LPCAT4: variants seen among roughly 807,000 people sequenced by gnomAD.
LPCAT4 encodes lysophosphatidylcholine acyltransferase 4, also known as lysophospholipid acyltransferase LPCAT4.
Under a neutral mutation model 66.5 loss-of-function variants are expected in LPCAT4, and 30 were observed. The observed-to-expected ratio is 0.45, with a 90% CI of 0.34 to 0.61. The LOEUF (loss-of-function observed/expected upper bound fraction) is 0.61, where lower values mean the gene tolerates loss of function less well. Ranked by LOEUF, LPCAT4 falls within the 20% of genes least tolerant of loss-of-function variation. The pLI is 0.01. For missense variants in LPCAT4, 557 were observed against 656.7 expected, an observed-to-expected ratio of 0.85 and a Z score of 1.66; for synonymous variants, 253 against 262.1, an observed-to-expected ratio of 0.97 and a Z score of 0.34.
In LPCAT4 at chr15:34,365,597, A is replaced by C; in HGVS notation, c.219T>G (p.Ser73Arg). ...TAATTGGCTCCTGAAGCTGCTCCTCACTAAGACCGGCCACTTGAAGCCAGG... is the reference window on the plus strand; with the variant it reads ...TAATTGGCTCCTGAAGCTGCTCCTCCCTAAGACCGGCCACTTGAAGCCAGG... ...PFAWLQVAGL[S>R]EEQLQEPITG... The change falls in exon 2 of 14, where the codon AGT becomes AGG. Residue 73 changes from serine to arginine, a missense_variant. Ser to Arg is a moderately radical substitution (Grantham distance 110, BLOSUM62 -1). Around this residue, in one of 4 missense-constraint regions of LPCAT4, gnomAD observed 65 missense variants for 83.5 expected, o/e 0.78. Transcript: ENST00000314891. 1 of 1,614,164 alleles carries C rather than the reference A, an allele frequency of 6.2e-7. No individual in the cohort carries two copies. The highest frequency in any genetic ancestry group is 8.5e-7 in the Non-Finnish European group (1 of 1,180,020).
chr15:34,361,182 CT>C, intron 11 of LPCAT4: 1 of 1,405,302 alleles, frequency 7.1e-7, no homozygotes, highest in Non-Finnish European at 9.3e-7. Flanking sequence ...TTATTTCTCC[CT>C]TGTTCCTCCT....
Position 34,359,240 on chromosome 15 carries a change from G to A in LPCAT4, c.1462C>T (p.Arg488Cys), listed in dbSNP as rs375783823. 45 of 1,569,226 alleles carry A rather than the reference G, an allele frequency of 2.9e-5. No homozygotes were observed. Among genetic ancestry groups the A allele is most frequent in the Non-Finnish European group, 3.8e-5 (44 of 1,156,480 alleles). ...GTGCCTCGAGAGGTGTGTGGGGGGCGCAGGTAGGTGCTGAAGAGTTTCCCA... is the reference window on the plus strand; with the variant it reads ...GTGCCTCGAGAGGTGTGTGGGGGGCACAGGTAGGTGCTGAAGAGTTTCCCA... ...LYGKLFSTYL[R>C]PPHTSRGTSQ... Residue 488 changes from arginine to cysteine, a missense_variant, in exon 14 of 14, where the codon CGC becomes TGC. This residue lies in a region of LPCAT4 where 392 missense variants were observed against 473.9 expected (regional missense o/e 0.83). Transcript: ENST00000314891.
At position 34,363,212 on chromosome 15, in the gene LPCAT4, T is replaced by C. The variant is rs1402797061; in HGVS notation, c.746+210A>G. ...GAAGATAAATGCATAGCAGCCATAA[T>C]CACAGCAGGAACAGTTTAGGTGGGA... On this transcript the variant is annotated intron_variant, in intron 7 of 13. Coordinates refer to ENST00000314891, the MANE Select transcript of LPCAT4 (RefSeq NM_153613.3). The surrounding 1 kb of genome is among the most constrained non-coding windows in gnomAD (Gnocchi z 4.3). Among the ~76,000 whole-genome samples, 1 of 152,148 alleles carries C rather than the reference T, an allele frequency of 6.6e-6. No homozygotes were observed. Among genetic ancestry groups the C allele is most frequent in the Non-Finnish European group, 1.5e-5 (1 of 68,022 alleles).
Position 34,363,932 on chromosome 15 carries a change from T to G in LPCAT4, c.652+81A>C. The G allele has an allele frequency of 6.8e-7, 1 of 1,467,062 alleles. No homozygotes were observed. The highest frequency in any genetic ancestry group is 9.5e-7 in the Non-Finnish European group (1 of 1,053,228). The allele number at this position is 1,467,062 out of a possible 1,614,324, so 90.9% of individuals were successfully genotyped here. On this transcript the variant is annotated intron_variant, in intron 5 of 13. Coordinates refer to ENST00000314891, the MANE Select transcript of LPCAT4 (RefSeq NM_153613.3). This position sits in a 1 kb window ranked among gnomAD's most constrained non-coding sequence, Gnocchi z 4.3. Reference sequence around the variant, plus strand: ...TCTCCCATCCCTCCCCCTCTTCTACTTCTTGGGTTATTTCAGAGTCCCTCC... The same window carrying G: ...TCTCCCATCCCTCCCCCTCTTCTACGTCTTGGGTTATTTCAGAGTCCCTCC...
chr15:34,363,989 AC>A lies in LPCAT4; in HGVS notation c.652+23del. On this transcript the variant is annotated intron_variant, in intron 5 of 13. Transcript: ENST00000314891. The surrounding 1 kb of genome is among the most constrained non-coding windows in gnomAD (Gnocchi z 4.3). ...CTGGAACTTCTTTTTCCTACAGCCC[AC>A]CACCCACTATCATTTTATTCACCTG... is the stretch of plus-strand genomic sequence containing the variant. The A allele has an allele frequency of 6.2e-7, 1 of 1,605,942 alleles. No homozygotes were observed. The highest frequency in any genetic ancestry group is 8.5e-7 in the Non-Finnish European group (1 of 1,173,190).
At position 34,361,306 on chromosome 15, in the gene LPCAT4, C is replaced by T. The variant is rs1890936224; in HGVS notation, c.1143+94G>A. 2.6e-6 allele frequency: 4 copies of T among 1,566,716 alleles called. No individual in the cohort carries two copies. In the South Asian group the frequency reaches 4.7e-5, roughly 19 times the overall value. ...CAGCTGTGAGAACATCCACTGAGGA[C>T]TCCAAACTGTGAGTGACTGATACGG... On this transcript the variant is annotated intron_variant, in intron 11 of 13. Coordinates refer to ENST00000314891, the MANE Select transcript of LPCAT4 (RefSeq NM_153613.3).
chr15:34,361,105 A>C (rs1251926511), intron 11 of LPCAT4: 2 of 970,974 alleles, frequency 2.1e-6, no homozygotes, highest in East Asian at 5.3e-5. Flanking sequence ...AGCACCCCAA[A>C]AGGTCTTATG....
Position 34,359,093 on chromosome 15 carries a change from G to A in LPCAT4, c.*34C>T, listed in dbSNP as rs368552199. ...AGGCATAGGGGAGGCCCCTAGCGCT[G>A]CCCTGAGGAGGAGGGGGTGAGAGGC... On this transcript the variant is annotated 3_prime_UTR_variant, in exon 14 of 14. Coordinates refer to ENST00000314891, the MANE Select transcript of LPCAT4 (RefSeq NM_153613.3). The A allele has an allele frequency of 3.8e-6, 6 of 1,577,804 alleles. No homozygotes were observed. The highest frequency in any genetic ancestry group is 2.7e-5 in the African/African-American group (2 of 74,220).
chr15:34,363,354 A>G lies in LPCAT4; in HGVS notation c.746+68T>C. The G allele has an allele frequency of 6.5e-7, 1 of 1,541,958 alleles. No individual in the cohort carries two copies. The highest frequency in any genetic ancestry group is 2.2e-5 in the East Asian group (1 of 44,466). On this transcript the variant is annotated intron_variant, in intron 7 of 13. Coordinates refer to ENST00000314891, the MANE Select transcript of LPCAT4 (RefSeq NM_153613.3). This position sits in a 1 kb window ranked among gnomAD's most constrained non-coding sequence, Gnocchi z 4.3. ...GCCATTCACCTTGTCGGGAGATTGG[A>G]AGATGGGCCAGGAATTCTCTGATGG...
chr15:34,367,055 G>T lies in LPCAT4; in HGVS notation c.46C>A (p.Pro16Thr). The T allele has an allele frequency of 1.3e-6, 2 of 1,559,788 alleles. No homozygotes were observed. Among genetic ancestry groups the T allele is most frequent in the Admixed American group, 3.8e-5 (2 of 52,078 alleles). ...PGDWAPLDPTPGPPASPNPFV... is the reference protein window; with the variant it reads ...PGDWAPLDPTTGPPASPNPFV... Reference sequence around the variant, plus strand: ...GGGTTGGGGGATGCTGGGGGTCCGGGGGTGGGATCTAGGGGGGCCCAGTCC... The same window carrying T: ...GGGTTGGGGGATGCTGGGGGTCCGGTGGTGGGATCTAGGGGGGCCCAGTCC... The change falls in exon 1 of 14, where the codon CCC becomes ACC. Residue 16 changes from proline to threonine, a missense_variant. By Grantham distance (38) the Pro-to-Thr change is conservative (BLOSUM62 -1). Around this residue, in one of 4 missense-constraint regions of LPCAT4, gnomAD observed 94 missense variants for 71.5 expected, o/e 1.32. Coordinates refer to ENST00000314891, the MANE Select transcript of LPCAT4 (RefSeq NM_153613.3).
rs778952507 is a variant in LPCAT4 at position 34,365,612 on chromosome 15, T to C, written c.204A>G (p.Gln68=). Residue 68 remains glutamine (Q), a synonymous_variant, in exon 2 of 14, where the codon CAA becomes CAG. Transcript: ENST00000314891. ...LFLLWPFAWL[Q]VAGLSEEQLQ... ...GCTGCTCCTCACTAAGACCGGCCAC[T>C]TGAAGCCAGGCAAAGGGCCAGAGGA... 3 of 1,614,186 alleles carry C rather than the reference T, an allele frequency of 1.9e-6. No homozygotes were observed. The South Asian group carries it at 3.3e-5, about 18-fold the overall frequency.
chr15:34,358,719 G>A lies in LPCAT4; in HGVS notation c.*408C>T, dbSNP rs1379500779. ...GAAGTCTGTTAAAATGTACATATAG[G>A]AGATGACAGCAGGAGGGAGGATATG... On this transcript the variant is annotated 3_prime_UTR_variant, in exon 14 of 14. Transcript: ENST00000314891. The A allele has an allele frequency of 6.5e-6, 1 of 153,566 alleles. No individual in the cohort carries two copies. Among genetic ancestry groups the A allele is most frequent in the African/African-American group, 2.4e-5 (1 of 41,450 alleles). The allele number at this position is 153,566 out of a possible 1,614,324, so 9.5% of individuals were successfully genotyped here. A position where few individuals can be genotyped will look rare whatever the true frequency, so the allele number is the denominator to read the frequency against.
rs768234615 is a variant in LPCAT4, at chr15:34,367,039, G to C, written c.62C>G (p.Ser21Cys). ...TAACTCATGCACGAAGGGGTTGGGGGATGCTGGGGGTCCGGGGGTGGGATC... is the reference window on the plus strand; with the variant it reads ...TAACTCATGCACGAAGGGGTTGGGGCATGCTGGGGGTCCGGGGGTGGGATC... ...PLDPTPGPPA[S>C]PNPFVHELHL... Residue 21 changes from serine (S) to cysteine (C), a missense_variant, in exon 1 of 14, where the codon TCC (serine) becomes TGC (cysteine). Coordinates refer to ENST00000314891, the MANE Select transcript of LPCAT4 (RefSeq NM_153613.3). The C allele has an allele frequency of 2.1e-6, 2 of 955,788 alleles. No homozygotes were observed. Among genetic ancestry groups the C allele is most frequent in the African/African-American group, 3.2e-5 (2 of 62,320 alleles). The allele number at this position is 955,788 out of a possible 1,614,324, so 59.2% of individuals were successfully genotyped here. A position where few individuals can be genotyped will look rare whatever the true frequency, so the allele number is the denominator to read the frequency against.
At chr15:34,364,606 T>TTTA (rs1555395815) in intron 3 of LPCAT4, 8 of 249,830 alleles carry the variant, frequency 3.2e-5, no homozygotes, top group East Asian at 8.2e-5. Context: ...TTTTTTTTTT[T>TTTA]ACGCCCGGCT....
At chr15:34,366,069 T>G (rs1891069938) in intron 1 of LPCAT4, 1 of 183,780 alleles carries the variant, frequency 5.4e-6, no homozygotes, top group Non-Finnish European at 1.2e-5. Flanking sequence ...CTCCCCCACA[T>G]CTTATTCCAT....
Position 34,363,967 on chromosome 15 carries a change from G to T in LPCAT4, c.652+46C>A. 1.3e-6 allele frequency: 2 copies of T among 1,578,178 alleles called. No individual in the cohort carries two copies. The highest frequency in any genetic ancestry group is 1.7e-6 in the Non-Finnish European group (2 of 1,150,646). Reference sequence around the variant, plus strand: ...ATTTCAGAGTCCCTCCCCAAATCTGGAACTTCTTTTTCCTACAGCCCACCA... The same window carrying T: ...ATTTCAGAGTCCCTCCCCAAATCTGTAACTTCTTTTTCCTACAGCCCACCA... On this transcript the variant is annotated intron_variant, in intron 5 of 13. Coordinates refer to ENST00000314891, the MANE Select transcript of LPCAT4 (RefSeq NM_153613.3). The surrounding 1 kb of genome is among the most constrained non-coding windows in gnomAD (Gnocchi z 4.3).
chr15:34,366,479 G>T (rs987534713), intron 1 of LPCAT4, among the ~76,000 whole-genome samples: 3 of 152,080 alleles, frequency 2.0e-5, no homozygotes, highest in Non-Finnish European at 4.4e-5. Context: ...CCCCCACCGG[G>T]AGGTGCTGCA....
At chr15:34,365,873 T>C (rs375156776) in intron 1 of LPCAT4, 172 bp from the exon 2 acceptor site, 2 of 688,310 alleles carry the variant, frequency 2.9e-6, no homozygotes, top group Non-Finnish European at 4.9e-6. Flanking sequence ...AAGATACCAA[T>C]GAGGGCAAGA....
intron 1 of LPCAT4, among the ~76,000 whole-genome samples, chr15:34,366,229 G>A (rs1331519370): frequency 6.6e-6 from 1 of 152,208 alleles, no homozygotes; most frequent in Non-Finnish European, 1.5e-5. Flanking sequence ...AGTACCGGGG[G>A]ATATGGGAGA....
Sources: gnomAD v4.1 joint callset for allele counts (sites outside exome capture counted in the v4.1 genomes callset) on GRCh38, gnomAD v4.1.1 for gene constraint, gnomAD v4.1.1 regional missense constraint, Gnocchi (gnomAD v3.1) non-coding constraint, MANE v1.5 for transcripts, NCBI Gene and HGNC (gene_info 2026-07-23, HGNC 2026-07-21) for gene names.